Variants in RMND1 observed in about 807,000 individuals in gnomAD.
RMND1 encodes the protein required for meiotic nuclear division 1 homolog.
RMND1 carries 41 observed loss-of-function variants against 54.0 expected under a neutral mutation model. That is an observed-to-expected ratio of 0.76 (90% CI 0.59 to 0.98). The LOEUF (loss-of-function observed/expected upper bound fraction) is 0.98, where lower values mean the gene tolerates loss of function less well. RMND1 is among the 50% of genes least tolerant of loss of function. The pLI is 0.00. For synonymous variants in RMND1, 183 were observed against 181.7 expected (o/e 1.01, Z -0.06); for missense variants, 457 against 532.0 (o/e 0.86, Z 1.39).
At chr6:151,410,209 C>T (rs1294300904) in intron 10 of RMND1, among the ~76,000 whole-genome samples, 6 of 152,038 alleles carry the variant, frequency 3.9e-5, no homozygotes, top group Admixed American at 2.0e-4. Context: ...CGCCCGCCAC[C>T]ACGCCCAGCT....
rs946689937 is a variant in RMND1 at position 151,419,004 on chromosome 6, A to G, written c.1080-1605T>C. Among the ~76,000 whole-genome samples the G allele has an allele frequency of 2.0e-5, 3 of 152,118 alleles. No homozygotes were observed. In the East Asian group the frequency reaches 5.8e-4, roughly 29 times the overall value. ...AGGCTGGTCTTGAACTCCTGACCTC[A>G]GATGATCCACTGGCCTCGGCCTCCC... On this transcript the variant is annotated intron_variant, in intron 9 of 11. Transcript: ENST00000444024.
intron 10 of RMND1, among the ~76,000 whole-genome samples, chr6:151,410,539 A>T (rs2114917674): frequency 6.6e-6 from 1 of 152,340 alleles, no homozygotes; most frequent in South Asian, 2.1e-4. Flanking sequence ...ATGCTGAGAA[A>T]AAACTCTGAG....
chr6:151,405,790 A>C lies in RMND1; in HGVS notation c.1247T>G (p.Met416Arg). 1 of 1,613,022 alleles carries C rather than the reference A, an allele frequency of 6.2e-7. No individual in the cohort carries two copies. The highest frequency in any genetic ancestry group is 8.5e-7 in the Non-Finnish European group (1 of 1,179,076). The part of the protein sequence containing the change: ...LQHCMELTDL[M>R]RNHLNEKRAL... ...CCTCTTCTCATTCAGGTGATTCCGCATTAGATCTGTTAGTTCCATGCAGTG... is the reference window on the plus strand; with the variant it reads ...CCTCTTCTCATTCAGGTGATTCCGCCTTAGATCTGTTAGTTCCATGCAGTG... The change falls in exon 11 of 12, where the codon ATG becomes AGG. Residue 416 changes from methionine (M) to arginine (R), a missense_variant. Coordinates refer to ENST00000444024, the MANE Select transcript of RMND1 (RefSeq NM_017909.4).
Position 151,450,847 on chromosome 6 carries a change from T to C in RMND1, c.-15+1169A>G, listed in dbSNP as rs374466984. Among the ~76,000 whole-genome samples the C allele has an allele frequency of 2.6e-5, 4 of 152,306 alleles. No homozygotes were observed. The East Asian group carries it at 5.8e-4, about 22-fold the overall frequency. ...TAGACATGGGAGACTTTTCATTTTG[T>C]TCCATACTAAGAAAAATTCTTCTGC... On this transcript the variant is annotated intron_variant, in intron 1 of 11. Transcript: ENST00000444024.
intron 3 of RMND1, among the ~76,000 whole-genome samples, chr6:151,433,706 G>T (rs1403335491): frequency 6.6e-6 from 1 of 152,036 alleles, no homozygotes; most frequent in Non-Finnish European, 1.5e-5. Flanking sequence ...AGTATAAAAA[G>T]TAGGGCAATA....
intron 10 of RMND1, among the ~76,000 whole-genome samples, chr6:151,414,131 G>A (rs948082550): frequency 1.3e-5 from 2 of 152,034 alleles, no homozygotes; most frequent in African/African-American, 2.4e-5. Flanking sequence ...ATGTAGTGGC[G>A]TGATCATGGC....
At chr6:151,432,456 C>T (rs1780476339) in intron 4 of RMND1, among the ~76,000 whole-genome samples, 1 of 152,176 alleles carries the variant, frequency 6.6e-6, no homozygotes. Flanking sequence ...AAGAACTTTA[C>T]TCAACTTTGG....
intron 4 of RMND1, among the ~76,000 whole-genome samples, chr6:151,432,482 C>T (rs1423271116): frequency 6.6e-6 from 1 of 152,002 alleles, no homozygotes; most frequent in Admixed American, 6.6e-5. Context: ...TACAGATGGT[C>T]CATGTGTTTC....
intron 9 of RMND1, among the ~76,000 whole-genome samples, chr6:151,420,522 C>T (rs1443487428): frequency 6.6e-6 from 1 of 152,108 alleles, no homozygotes; most frequent in Non-Finnish European, 1.5e-5. Context: ...AATCCTGGGA[C>T]AACTACAAGA....
intron 2 of RMND1, among the ~76,000 whole-genome samples, chr6:151,443,833 A>G (rs1780864943): frequency 6.6e-6 from 1 of 152,232 alleles, no homozygotes; most frequent in Non-Finnish European, 1.5e-5. Context: ...TAAACAACAA[A>G]CACTAAATCC....
At chr6:151,423,488 A>G in intron 7 of RMND1, 37 bp downstream of exon 7, 5 of 1,293,740 alleles carry the variant, frequency 3.9e-6, no homozygotes, top group South Asian at 1.3e-5. Context: ...TGAAATGACA[A>G]CTGTAGTACC....
At chr6:151,424,288 G>A (rs1256195602) in intron 6 of RMND1, among the ~76,000 whole-genome samples, 3 of 151,890 alleles carry the variant, frequency 2.0e-5, no homozygotes, top group Non-Finnish European at 4.4e-5. Context: ...GTGAAACCCC[G>A]TCTCTACTCA....
chr6:151,433,946 C>CA (rs1780522012), intron 3 of RMND1, among the ~76,000 whole-genome samples: 1 of 118,080 alleles, frequency 8.5e-6, no homozygotes, highest in Admixed American at 8.5e-5. Context: ...GGGACCCCCC[C>CA]CCGCCCCACC....
intron 2 of RMND1, among the ~76,000 whole-genome samples, chr6:151,441,358 G>T (rs1022976877): frequency 7.9e-5 from 12 of 151,948 alleles, no homozygotes; most frequent in Admixed American, 6.5e-5. Context: ...AGTGACAGGG[G>T]CATTTTTGGT....
Position 151,405,714 on chromosome 6 carries a change from T to C in RMND1, c.1317+6A>G. ...CTGATCATAGTACAGAGCATTTCCA[T>C]CTTACCTCTATGGTAATGAGGATGA... On this transcript the variant is annotated splice_donor_region_variant and intron_variant, in intron 11 of 11. Coordinates refer to ENST00000444024, the MANE Select transcript of RMND1 (RefSeq NM_017909.4). 1 of 1,366,446 alleles carries C rather than the reference T, an allele frequency of 7.3e-7. No individual in the cohort carries two copies. Among genetic ancestry groups the C allele is most frequent in the Non-Finnish European group, 1.0e-6 (1 of 954,668 alleles). The allele number at this position is 1,366,446 out of a possible 1,614,324, so 84.6% of individuals were successfully genotyped here. A position where few individuals can be genotyped will look rare whatever the true frequency, so the allele number is the denominator to read the frequency against.
At chr6:151,410,056 C>CT (rs1779764187) in intron 10 of RMND1, among the ~76,000 whole-genome samples, 2 of 134,630 alleles carry the variant, frequency 1.5e-5, no homozygotes, top group East Asian at 5.0e-4. Context: ...CTCTTTGTTC[C>CT]ATTTTTTTTT....
intron 2 of RMND1, among the ~76,000 whole-genome samples, chr6:151,443,849 G>A (rs760645825): frequency 3.3e-5 from 5 of 152,156 alleles, no homozygotes; most frequent in Non-Finnish European, 7.3e-5. Context: ...AATCCCAGGA[G>A]GAGTTCCTCT....
At chr6:151,439,051 T>C (rs1043596786) in intron 2 of RMND1, among the ~76,000 whole-genome samples, 6 of 152,118 alleles carry the variant, frequency 3.9e-5, no homozygotes, top group Admixed American at 1.3e-4. Flanking sequence ...GAGGCCGAGG[T>C]TGCAGTGAGC....
intron 2 of RMND1, among the ~76,000 whole-genome samples, chr6:151,443,651 A>G (rs1264556485): frequency 6.6e-6 from 1 of 152,216 alleles, no homozygotes; most frequent in African/African-American, 2.4e-5. Flanking sequence ...TTTCAGAAAG[A>G]CAGCATGCGA....
Sources: allele counts gnomAD v4.1 joint callset (sites outside exome capture counted in the v4.1 genomes callset), GRCh38; gene constraint gnomAD v4.1.1; transcripts MANE v1.5; gene names NCBI Gene and HGNC (gene_info 2026-07-23, HGNC 2026-07-21).